The following ZFP91 variants were observed in gnomAD, a reference collection of about 807,000 sequenced individuals.
ZFP91 encodes the protein E3 ubiquitin-protein ligase ZFP91.
In ZFP91, 7 loss-of-function variants were observed where a neutral mutation model predicts 63.5. The observed-to-expected ratio is 0.11, with a 90% CI of 0.06 to 0.21. ZFP91 has a LOEUF of 0.21. ZFP91 is among the 10% of genes least tolerant of loss of function. The probability of loss-of-function intolerance (pLI) is 1.00; values close to 1 mark genes in which losing one functional copy is unlikely to be tolerated. For missense variants in ZFP91, 628 were observed against 736.6 expected, an observed-to-expected ratio of 0.85 and a Z score of 1.71; for synonymous variants, 330 against 272.1, an observed-to-expected ratio of 1.21 and a Z score of -2.10.
At chr11:58,601,155 T>C (rs1053981420) in intron 2 of ZFP91, among the ~76,000 whole-genome samples, 1 of 152,202 alleles carries the variant, frequency 6.6e-6, no homozygotes, top group African/African-American at 2.4e-5. Context: ...TCTTCTATTT[T>C]TTAAGAGAGT....
chr11:58,615,639 A>G (rs1855737882), intron 9 of ZFP91, among the ~76,000 whole-genome samples: 1 of 152,134 alleles, frequency 6.6e-6, no homozygotes, highest in Admixed American at 6.5e-5. Flanking sequence ...CCTAAGTTAG[A>G]ACTGTGCGTT....
At chr11:58,579,981 A>G (rs1855080017) in intron 1 of ZFP91, among the ~76,000 whole-genome samples, 1 of 151,946 alleles carries the variant, frequency 6.6e-6, no homozygotes, top group African/African-American at 2.4e-5. Flanking sequence ...GCTCTCCAGT[A>G]TTACATCACA....
chr11:58,579,217 G>GCGCCGAGGC lies in ZFP91; in HGVS notation c.-59_-51dup. Reference sequence around the variant, plus strand: ...GGGAGGCGAGGGGGCGGGGGGAGCAGCGCCGAGGCCGCCGCCTCCGCCTCC... The same window carrying GCGCCGAGGC: ...GGGAGGCGAGGGGGCGGGGGGAGCAGCGCCGAGGCCGCCGAGGCCGCCGCCTCCGCCTCC... On this transcript the variant is annotated 5_prime_UTR_variant, in exon 1 of 11. Transcript: ENST00000316059. 2 of 1,314,800 alleles carry GCGCCGAGGC rather than the reference G, an allele frequency of 1.5e-6. No individual in the cohort carries two copies. Among genetic ancestry groups the GCGCCGAGGC allele is most frequent in the Non-Finnish European group, 2.0e-6 (2 of 1,022,136 alleles). 81.4% of individuals were successfully genotyped at this position (1,314,800 alleles called of 1,614,324 possible).
chr11:58,587,198 G>A lies in ZFP91; in HGVS notation c.370+2314G>A, dbSNP rs184442196. Among the ~76,000 whole-genome samples, 47 of 152,020 alleles carry A rather than the reference G, an allele frequency of 3.1e-4. 1 individual carries two copies. The highest frequency in any genetic ancestry group is 1.2e-3 in the South Asian group (6 of 4,812). On this transcript the variant is annotated intron_variant, in intron 2 of 10. Transcript: ENST00000316059. ...CTGTTTTTGCTACCCTTTTTTAACCGTGATTGGTGTATAAAACAAATGGAA... is the reference window on the plus strand; with the variant it reads ...CTGTTTTTGCTACCCTTTTTTAACCATGATTGGTGTATAAAACAAATGGAA...
At chr11:58,587,333 A>G (rs978827043) in intron 2 of ZFP91, among the ~76,000 whole-genome samples, 5 of 152,166 alleles carry the variant, frequency 3.3e-5, no homozygotes, top group African/African-American at 1.2e-4. Context: ...CAAATAAATG[A>G]AGAAGTCAAA....
At chr11:58,604,793 A>G (rs1855545256) in intron 2 of ZFP91, among the ~76,000 whole-genome samples, 1 of 152,204 alleles carries the variant, frequency 6.6e-6, no homozygotes, top group African/African-American at 2.4e-5. Context: ...GTGGCCCAAG[A>G]CATGTCATCT....
At chr11:58,613,516 T>G (rs1855701029) in intron 8 of ZFP91, among the ~76,000 whole-genome samples, 2 of 152,148 alleles carry the variant, frequency 1.3e-5, no homozygotes, top group African/African-American at 2.4e-5. Flanking sequence ...TGAACCCACA[T>G]AGAGAACTTT....
chr11:58,612,839 A>G lies in ZFP91; in HGVS notation c.986A>G (p.Gln329Arg). Residue 329 changes from glutamine (Q) to arginine (R), a missense_variant and splice_region_variant, in exon 8 of 11, where the codon CAG (glutamine) becomes CGG (arginine). Transcript: ENST00000316059. ...GTVLAHPRYL[Q>R]HHIKYQHLLK... ...GTCCTTGCCCATCCTCGCTATTTGC[A>G]GGTCAGTGAAGTTGTTATATAAGAG... 1 of 1,611,278 alleles carries G rather than the reference A, an allele frequency of 6.2e-7. No homozygotes were observed. The highest frequency in any genetic ancestry group is 8.5e-7 in the Non-Finnish European group (1 of 1,178,836).
intron 9 of ZFP91, among the ~76,000 whole-genome samples, chr11:58,615,097 A>G (rs969992662): frequency 6.6e-6 from 1 of 152,194 alleles, no homozygotes; most frequent in Non-Finnish European, 1.5e-5. Flanking sequence ...TAGGAAAGTT[A>G]CTTAACTTCT....
chr11:58,609,681 CT>C (rs1855625108), intron 2 of ZFP91, 148 bp from the exon 3 acceptor site: 6 of 722,518 alleles, frequency 8.3e-6, no homozygotes, highest in South Asian at 2.0e-5. Flanking sequence ...TCTCATTTTC[CT>C]TTTTTTATTA....
At chr11:58,580,005 A>G (rs1855080954) in intron 1 of ZFP91, among the ~76,000 whole-genome samples, 1 of 151,898 alleles carries the variant, frequency 6.6e-6, no homozygotes, top group Admixed American at 6.6e-5. Context: ...CCTTTAGGGA[A>G]TACACAGCCC....
intron 2 of ZFP91, among the ~76,000 whole-genome samples, chr11:58,604,913 A>G (rs1855547479): frequency 6.6e-6 from 1 of 152,182 alleles, no homozygotes; most frequent in African/African-American, 2.4e-5. Flanking sequence ...CATTCTGCTA[A>G]TATGTACCTT....
intron 2 of ZFP91, among the ~76,000 whole-genome samples, chr11:58,596,702 C>CT (rs35724497): frequency 0.2 from 28,645 of 141,340 alleles, 2,934 homozygotes; most frequent in African/African-American, 0.25. Flanking sequence ...CCACCACCAC[C>CT]TTTTTTTTTT....
Position 58,579,502 on chromosome 11 carries a change from C to G in ZFP91, c.221C>G (p.Ala74Gly). ...GCAGCTGTGTCCCGCCGGAGGAAGG[C>G]CGAGTATCCCCGCCGGCGGAGGAGC... ...AAAAVSRRRK[A>G]EYPRRRRSSP... is the part of the protein sequence containing the mutation. Residue 74 changes from alanine (A) to glycine (G), a missense_variant, in exon 1 of 11, where the codon GCC becomes GGC. By Grantham distance (60) the Ala-to-Gly change is moderately conservative. Transcript: ENST00000316059. 1 of 1,535,746 alleles carries G rather than the reference C, an allele frequency of 6.5e-7. No homozygotes were observed. Among genetic ancestry groups the G allele is most frequent in the Non-Finnish European group, 8.7e-7 (1 of 1,146,632 alleles).
Position 58,618,837 on chromosome 11 carries a change from G to T in ZFP91, c.*1131G>T. Reference sequence around the variant, plus strand: ...AAGAATGTTAGGTTCATGGTAACTAGTATGCTCTTTGAGATTTTTACAGTG... The same window carrying T: ...AAGAATGTTAGGTTCATGGTAACTATTATGCTCTTTGAGATTTTTACAGTG... On this transcript the variant is annotated 3_prime_UTR_variant, in exon 11 of 11. Coordinates refer to ENST00000316059, the MANE Select transcript of ZFP91 (RefSeq NM_053023.5). The T allele has an allele frequency of 2.8e-6, 1 of 359,496 alleles. No individual in the cohort carries two copies. The highest frequency in any genetic ancestry group is 5.4e-6 in the Non-Finnish European group (1 of 183,970). The allele number at this position is 359,496 out of a possible 1,614,324, so 22.3% of individuals were successfully genotyped here.
chr11:58,589,462 T>C (rs546778005), intron 2 of ZFP91, among the ~76,000 whole-genome samples: 6 of 152,322 alleles, frequency 3.9e-5, no homozygotes, highest in African/African-American at 1.4e-4. Context: ...AAAGCCTCTT[T>C]CCCTGGCTTC....
chr11:58,595,658 A>G (rs1490863843), intron 2 of ZFP91, among the ~76,000 whole-genome samples: 2 of 151,324 alleles, frequency 1.3e-5, no homozygotes, highest in East Asian at 1.9e-4. Flanking sequence ...ACTCACTGCA[A>G]CCTCTGCCTC....
intron 2 of ZFP91, among the ~76,000 whole-genome samples, chr11:58,590,738 G>T (rs947696487): frequency 6.6e-6 from 1 of 151,956 alleles, no homozygotes; most frequent in African/African-American, 2.4e-5. Context: ...CATATTTTTT[G>T]ATGCTGTTAG....
In ZFP91 at chr11:58,617,127, C is replaced by T. The variant is rs1855763172; in HGVS notation, c.1203-69C>T. On this transcript the variant is annotated intron_variant, in intron 10 of 10. Transcript: ENST00000316059. This position sits in a 1 kb window ranked among gnomAD's most constrained non-coding sequence, Gnocchi z 4.2. The stretch of plus-strand genomic sequence containing the variant: ...GTATATATATGCTCTAAACTCTAAC[C>T]CTGATCCTGAATAAGAGCACTCTTT... 5.8e-6 allele frequency: 8 copies of T among 1,386,434 alleles called. No individual in the cohort carries two copies. In the Admixed American group the frequency reaches 9.0e-5, roughly 16 times the overall value. 85.9% of individuals were successfully genotyped at this position (1,386,434 alleles called of 1,614,324 possible).
Sources: gnomAD v4.1 joint callset for allele counts (sites outside exome capture counted in the v4.1 genomes callset) on GRCh38, gnomAD v4.1.1 for gene constraint, Gnocchi (gnomAD v3.1) non-coding constraint, MANE v1.5 for transcripts, NCBI Gene and HGNC (gene_info 2026-07-23, HGNC 2026-07-21) for gene names.